MCTP1: variants seen among roughly 807,000 people sequenced by gnomAD.
MCTP1 encodes multiple C2 and transmembrane domain-containing protein 1.
Under a neutral mutation model 120.6 loss-of-function variants are expected in MCTP1, and 69 were observed. That is an observed-to-expected ratio of 0.57 (90% CI 0.47 to 0.70). The LOEUF is 0.70. Among genes scored for constraint, MCTP1 ranks in the 30% least tolerant of loss-of-function variants. The probability of loss-of-function intolerance (pLI) is 0.00; values close to 1 mark genes in which losing one functional copy is unlikely to be tolerated. For synonymous variants in MCTP1, 529 were observed against 493.1 expected, an observed-to-expected ratio of 1.07 and a Z score of -0.96; for missense variants, 1,203 against 1,248.8, an observed-to-expected ratio of 0.96 and a Z score of 0.55.
At chr5:95,258,095 G>T (rs1015969626) in intron 1 of MCTP1, among the ~76,000 whole-genome samples, 7 of 152,092 alleles carry the variant, frequency 4.6e-5, no homozygotes, top group Non-Finnish European at 8.8e-5. Context: ...ACCTTTTAAG[G>T]ATAAGCTGTG....
chr5:94,936,885 T>C (rs1816330172), intron 5 of MCTP1, among the ~76,000 whole-genome samples: 1 of 152,034 alleles, frequency 6.6e-6, no homozygotes, highest in African/African-American at 2.4e-5. Context: ...GGGGAATCTT[T>C]CTCCCCTCCC....
intron 3 of MCTP1, among the ~76,000 whole-genome samples, chr5:94,949,674 A>G (rs1424807988): frequency 1.3e-5 from 2 of 152,152 alleles, no homozygotes; most frequent in Non-Finnish European, 2.9e-5. Flanking sequence ...ACTGATAGAA[A>G]TCAGATTACA....
chr5:94,726,973 A>G lies in MCTP1; in HGVS notation c.2611-12087T>C, dbSNP rs145925660. Among the ~76,000 whole-genome samples the G allele has an allele frequency of 4.2e-3, 642 of 152,338 alleles. 3 individuals carry two copies. Among genetic ancestry groups the G allele is most frequent in the African/African-American group, 0.015 (614 of 41,576 alleles). Reference sequence around the variant, plus strand: ...TTAGAAAAACAATGCTCTTTGTGACATCTCCACAACCAAGTAAGGACTGCT... The same window carrying G: ...TTAGAAAAACAATGCTCTTTGTGACGTCTCCACAACCAAGTAAGGACTGCT... On this transcript the variant is annotated intron_variant, in intron 19 of 22. Transcript: ENST00000515393.
chr5:95,250,627 C>T (rs554672537), intron 1 of MCTP1, among the ~76,000 whole-genome samples: 19 of 152,104 alleles, frequency 1.2e-4, no homozygotes, highest in Non-Finnish European at 2.5e-4. Flanking sequence ...TTTTGGATTT[C>T]TTTTTCTCCT....
At chr5:95,088,848 C>T (rs1000517489) in intron 1 of MCTP1, among the ~76,000 whole-genome samples, 2 of 152,170 alleles carry the variant, frequency 1.3e-5, no homozygotes, top group African/African-American at 4.8e-5. Context: ...CAGGATTATA[C>T]AACCAGGAGG....
chr5:94,717,940 C>T (rs557241307), intron 19 of MCTP1, among the ~76,000 whole-genome samples: 3 of 152,226 alleles, frequency 2.0e-5, no homozygotes, highest in Admixed American at 1.3e-4. Flanking sequence ...GGCCATACTA[C>T]CCAAAGTAAT....
At chr5:95,101,503 C>G (rs538634539) in intron 1 of MCTP1, among the ~76,000 whole-genome samples, 1 of 152,184 alleles carries the variant, frequency 6.6e-6, no homozygotes, top group South Asian at 2.1e-4. Context: ...ATCAACCTAA[C>G]GTGGATTCTG....
chr5:95,010,792 T>C (rs1835783409), intron 2 of MCTP1, among the ~76,000 whole-genome samples: 1 of 152,164 alleles, frequency 6.6e-6, no homozygotes, highest in Admixed American at 6.6e-5. Flanking sequence ...GTGAATAATT[T>C]GATACTATAA....
At chr5:94,757,935 G>A (rs17084024) in intron 19 of MCTP1, among the ~76,000 whole-genome samples, 59,591 of 151,998 alleles carry the variant, frequency 0.39, 12,366 homozygotes, top group Non-Finnish European at 0.46. Context: ...GGTCAAGGGA[G>A]TCTTGGGAAA....
intron 1 of MCTP1, among the ~76,000 whole-genome samples, chr5:95,151,330 T>TTCATTAAGTAGAAGTGGATCA: frequency 6.6e-6 from 1 of 151,950 alleles, no homozygotes; most frequent in Non-Finnish European, 1.5e-5. Flanking sequence ...GTATTTACTA[T>TTCATTAAGTAGAAGTGGATCA]TCATTAAGTA....
At chr5:94,889,867 A>G (rs1802200590) in intron 11 of MCTP1, among the ~76,000 whole-genome samples, 1 of 152,190 alleles carries the variant, frequency 6.6e-6, no homozygotes, top group South Asian at 2.1e-4. Flanking sequence ...AATAATTATC[A>G]ATAAATGTTG....
intron 1 of MCTP1, among the ~76,000 whole-genome samples, chr5:95,190,081 C>T (rs1240588877): frequency 6.6e-6 from 1 of 152,048 alleles, no homozygotes; most frequent in Non-Finnish European, 1.5e-5. Flanking sequence ...TTATTAATGG[C>T]CTTCAACTAC....
intron 2 of MCTP1, among the ~76,000 whole-genome samples, chr5:94,982,477 T>C (rs906650650): frequency 2.0e-5 from 3 of 152,194 alleles, no homozygotes; most frequent in Non-Finnish European, 4.4e-5. Context: ...TTCTAAAATG[T>C]ACCCCCAAGA....
At chr5:95,152,061 A>C (rs1760943457) in intron 1 of MCTP1, among the ~76,000 whole-genome samples, 2 of 152,250 alleles carry the variant, frequency 1.3e-5, no homozygotes, top group Admixed American at 1.3e-4. Flanking sequence ...GTTTTGGATT[A>C]TGAGTGCAAT....
At chr5:94,715,586 C>T (rs1407971061) in intron 19 of MCTP1, among the ~76,000 whole-genome samples, 3 of 152,110 alleles carry the variant, frequency 2.0e-5, no homozygotes, top group African/African-American at 7.2e-5. Context: ...TTAAGCAAAG[C>T]TGGTGTGCTC....
At chr5:95,142,404 A>C (rs1760007652) in intron 1 of MCTP1, among the ~76,000 whole-genome samples, 1 of 152,220 alleles carries the variant, frequency 6.6e-6, no homozygotes, top group African/African-American at 2.4e-5. Flanking sequence ...ATCAAACATG[A>C]GATTTCTATA....
intron 5 of MCTP1, among the ~76,000 whole-genome samples, chr5:94,934,159 C>A (rs145594143): frequency 1.3e-5 from 2 of 150,674 alleles, no homozygotes; most frequent in Admixed American, 6.6e-5. Flanking sequence ...GAGTTAAGGT[C>A]GATTCAATAA....
intron 19 of MCTP1, among the ~76,000 whole-genome samples, chr5:94,732,944 T>TG (rs1763405928): frequency 6.6e-6 from 1 of 152,200 alleles, no homozygotes; most frequent in Non-Finnish European, 1.5e-5. Context: ...ATCATTCAGG[T>TG]ATGGTTTATA....
intron 1 of MCTP1, among the ~76,000 whole-genome samples, chr5:95,053,690 T>C (rs1006206988): frequency 2.0e-5 from 3 of 152,154 alleles, no homozygotes; most frequent in Admixed American, 2.0e-4. Flanking sequence ...TTTCCTGACC[T>C]ACCAGGTACC....
Sources: gnomAD v4.1 joint callset for allele counts (sites outside exome capture counted in the v4.1 genomes callset) on GRCh38, gnomAD v4.1.1 for gene constraint, MANE v1.5 for transcripts, NCBI Gene and HGNC (gene_info 2026-07-23, HGNC 2026-07-21) for gene names.